The following SLC36A1 variants were observed in gnomAD, a reference collection of about 807,000 sequenced individuals.
The protein encoded by SLC36A1 is proton-coupled amino acid transporter 1.
Under a neutral mutation model 47.5 loss-of-function variants are expected in SLC36A1, and 30 were observed. The observed-to-expected ratio is 0.63, with a 90% confidence interval of 0.47 to 0.86. SLC36A1 has a LOEUF of 0.86. Ranked by LOEUF, SLC36A1 falls within the 40% of genes least tolerant of loss-of-function variation. SLC36A1 has a pLI of 0.00. For synonymous variants in SLC36A1, 255 were observed against 249.7 expected (o/e 1.02, Z -0.20); for missense variants, 517 against 606.0 (o/e 0.85, Z 1.54).
At chr5:151,446,529 T>G (rs1340506855), upstream of SLC36A1, among the ~76,000 whole-genome samples, 1 of 151,750 alleles carries the variant, frequency 6.6e-6, no homozygotes, top group Admixed American at 6.6e-5. Context: ...CAACTTTGTC[T>G]CAAAGAAAAA....
the SLC36A1 span, chr5:151,531,647 T>C: frequency 1.2e-6 from 2 of 1,613,492 alleles, no homozygotes; most frequent in Non-Finnish European, 1.7e-6. The surrounding 1 kb of genome is among the most constrained non-coding windows in gnomAD (Gnocchi z 5.7). Flanking sequence ...CGGTAGCCGG[T>C]CTTCTCTGCG....
the SLC36A1 span, chr5:151,554,365 T>G: frequency 2.5e-6 from 4 of 1,612,948 alleles, no homozygotes; most frequent in Non-Finnish European, 3.4e-6. Context: ...TGCTCACCGT[T>G]AGGATGTTGT....
intron 8 of SLC36A1, 72 bp from the exon 9 acceptor site, chr5:151,476,518 G>GA: frequency 1.0e-6 from 1 of 973,158 alleles, no homozygotes; most frequent in Non-Finnish European, 1.4e-6. Flanking sequence ...TTTTTCTGAG[G>GA]TTTTTTTTTT....
At chr5:151,521,921 G>A in the SLC36A1 span, 6 of 1,613,902 alleles carry the variant, frequency 3.7e-6, no homozygotes, top group Non-Finnish European at 5.1e-6. Flanking sequence ...TGGGGGTCTC[G>A]GTCTGTGGCA....
At chr5:151,382,359 C>T in the SLC36A1 span, 2 of 771,122 alleles carry the variant, frequency 2.6e-6, no homozygotes, top group East Asian at 5.0e-5. Flanking sequence ...CATGCGCCAG[C>T]TCAAAAATAT....
At chr5:151,515,839 G>C in the SLC36A1 span, among the ~76,000 whole-genome samples, 1 of 152,172 alleles carries the variant, frequency 6.6e-6, no homozygotes, top group Non-Finnish European at 1.5e-5. Context: ...AAGAAGCCAT[G>C]ATGACCCTTT....
the SLC36A1 span, among the ~76,000 whole-genome samples, chr5:151,371,002 A>AATC: frequency 5.3e-5 from 8 of 152,122 alleles, no homozygotes; most frequent in African/African-American, 1.9e-4. Context: ...TAATAATAAT[A>AATC]ATAAAATAAA....
chr5:151,401,003 G>T, the SLC36A1 span, among the ~76,000 whole-genome samples: 5 of 151,996 alleles, frequency 3.3e-5, no homozygotes, highest in African/African-American at 9.7e-5. Flanking sequence ...AGTTAATTTT[G>T]CTGTGCAGAA....
the SLC36A1 span, among the ~76,000 whole-genome samples, chr5:151,541,733 T>C: frequency 2.0e-3 from 309 of 152,380 alleles, 1 homozygote; most frequent in African/African-American, 7.2e-3. Flanking sequence ...ATCCCAGCCC[T>C]GAAGCAAGCA....
intron 5 of SLC36A1, among the ~76,000 whole-genome samples, chr5:151,466,672 A>G (rs555151984): frequency 6.6e-6 from 1 of 152,232 alleles, no homozygotes; most frequent in African/African-American, 2.4e-5. Flanking sequence ...GAAGGGGACT[A>G]TTTCCTTGTG....
the SLC36A1 span, among the ~76,000 whole-genome samples, chr5:151,532,809 C>T: frequency 3.3e-5 from 5 of 152,216 alleles, no homozygotes; most frequent in African/African-American, 1.2e-4. Flanking sequence ...GTGAGATGAA[C>T]ACACGCCCTG....
At chr5:151,553,121 C>T in the SLC36A1 span, 1 of 1,537,200 alleles carries the variant, frequency 6.5e-7, no homozygotes, top group Non-Finnish European at 9.0e-7. Flanking sequence ...AAAACTAGAG[C>T]TGGTGTATAA....
At chr5:151,535,598 A>G in the SLC36A1 span, among the ~76,000 whole-genome samples, 10 of 152,206 alleles carry the variant, frequency 6.6e-5, no homozygotes, top group Non-Finnish European at 7.3e-5. Flanking sequence ...ATAATAAACC[A>G]GTAAACACAA....
chr5:151,540,888 A>AATGAT, the SLC36A1 span: 1 of 793,812 alleles, frequency 1.3e-6, no homozygotes, highest in South Asian at 2.4e-5. Flanking sequence ...TTCCTTCCTT[A>AATGAT]ACTAGGAACC....
the SLC36A1 span, among the ~76,000 whole-genome samples, chr5:151,358,745 G>C: frequency 6.6e-6 from 1 of 151,566 alleles, no homozygotes; most frequent in African/African-American, 2.4e-5. Flanking sequence ...AGGCCGAGGC[G>C]GGTGGATCAT....
intron 8 of SLC36A1, among the ~76,000 whole-genome samples, chr5:151,475,457 T>C (rs1386045140): frequency 6.6e-6 from 1 of 152,228 alleles, no homozygotes; most frequent in Non-Finnish European, 1.5e-5. Flanking sequence ...TGACTCTTAG[T>C]TTTGGATCTA....
intron 2 of SLC36A1, among the ~76,000 whole-genome samples, chr5:151,459,137 A>T (rs907796755): frequency 6.6e-6 from 1 of 151,912 alleles, no homozygotes; most frequent in African/African-American, 2.4e-5. Flanking sequence ...TTTTCCTTTC[A>T]GCTGTGTTGG....
intron 8 of SLC36A1, among the ~76,000 whole-genome samples, chr5:151,475,884 A>C: frequency 6.6e-6 from 1 of 152,236 alleles, no homozygotes; most frequent in Non-Finnish European, 1.5e-5. Context: ...AGATCCTCAC[A>C]GTCACACCTG....
the SLC36A1 span, among the ~76,000 whole-genome samples, chr5:151,501,790 TGCTGGACA>T: frequency 5.7e-4 from 84 of 148,282 alleles, 1 homozygote; most frequent in Non-Finnish European, 9.7e-4. Context: ...CAGCAAATGG[TGCTGGACA>T]GCTGGACAGC....
Sources: gnomAD v4.1 joint callset for allele counts (sites outside exome capture counted in the v4.1 genomes callset) on GRCh38, gnomAD v4.1.1 for gene constraint, Gnocchi (gnomAD v3.1) non-coding constraint, MANE v1.5 for transcripts, NCBI Gene and HGNC (gene_info 2026-07-23, HGNC 2026-07-21) for gene names.